Variants in ADAP1 observed in about 807,000 individuals in gnomAD.
ADAP1 encodes the protein ArfGAP with dual PH domains 1.
In ADAP1, 31 loss-of-function variants were observed where a neutral mutation model predicts 54.9. The ratio of observed to expected loss-of-function variants is 0.56; its 90% CI spans 0.42 to 0.76. The LOEUF is 0.76. ADAP1 is among the 30% of genes least tolerant of loss of function. The pLI, the probability that ADAP1 is intolerant of heterozygous loss-of-function variation, is 0.00. For missense variants in ADAP1, 535 were observed against 512.4 expected (o/e 1.04, Z -0.42); for synonymous variants, 313 against 202.6 (o/e 1.55, Z -4.63).
Position 902,794 on chromosome 7 carries a change from C to G in ADAP1, c.648+1332G>C, listed in dbSNP as rs78040828. On this transcript the variant is annotated intron_variant, in intron 6 of 10. Transcript: ENST00000265846. ...AAGACGAGGGACCCTTGCCAACACA[C>G]GCACAGCATTGGAGAATTTCAAAAC... Among the ~76,000 whole-genome samples, 325 of 142,594 alleles carry G rather than the reference C, an allele frequency of 2.3e-3. 1 individual carries two copies. Among genetic ancestry groups the G allele is most frequent in the African/African-American group, 7.6e-3 (303 of 39,660 alleles). 93.5% of individuals were successfully genotyped at this position (142,594 alleles called of 152,430 possible).
At chr7:900,262 C>T (rs948155581) in intron 7 of ADAP1, 98 bp from the exon 8 acceptor site, 9 of 1,459,258 alleles carry the variant, frequency 6.2e-6, no homozygotes, top group Non-Finnish European at 7.6e-6. Context: ...CCCCGGGCCA[C>T]CAGGTCAGGG....
intron 5 of ADAP1, among the ~76,000 whole-genome samples, chr7:904,807 C>G (rs1412906478): frequency 6.6e-6 from 1 of 152,248 alleles, no homozygotes; most frequent in Admixed American, 6.5e-5. Flanking sequence ...TCTCCCACGG[C>G]TGGGCCTGAG....
chr7:931,978 G>T (rs752165476), intron 2 of ADAP1, among the ~76,000 whole-genome samples: 1 of 152,230 alleles, frequency 6.6e-6, no homozygotes, highest in African/African-American at 2.4e-5. Flanking sequence ...AGGGAGCCAG[G>T]GGGGGCCCAG....
In ADAP1 at chr7:954,503, T is replaced by A; in HGVS notation, c.-26A>T. 9.9e-7 allele frequency: 1 copy of A among 1,013,218 alleles called. No homozygotes were observed. The highest frequency in any genetic ancestry group is 1.2e-6 in the Non-Finnish European group (1 of 850,374). The allele number at this position is 1,013,218 out of a possible 1,614,324, so 62.8% of individuals were successfully genotyped here. On this transcript the variant is annotated 5_prime_UTR_variant, in exon 1 of 11. Coordinates refer to ENST00000265846, the MANE Select transcript of ADAP1 (RefSeq NM_006869.4). Reference sequence around the variant, plus strand: ...GGCCGCGATGCGCCCGCGATGCCGATGCCGGGGCCGGGGCCGGGAGCGTCA... The same window carrying A: ...GGCCGCGATGCGCCCGCGATGCCGAAGCCGGGGCCGGGGCCGGGAGCGTCA...
At chr7:918,735 G>C (rs183347738) in intron 4 of ADAP1, among the ~76,000 whole-genome samples, 1 of 152,276 alleles carries the variant, frequency 6.6e-6, no homozygotes, top group Admixed American at 6.5e-5. Flanking sequence ...GGTGGAGAAA[G>C]GGGCACTCAG....
chr7:900,058 G>A (rs1351092063), intron 8 of ADAP1, 44 bp downstream of exon 8: 12 of 1,608,980 alleles, frequency 7.5e-6, no homozygotes, highest in Non-Finnish European at 9.3e-6. Flanking sequence ...GACCCACCAT[G>A]GCGTACCCCA....
rs1170304660 is a variant in ADAP1, at chr7:930,101, CAAAAAAAAAA to C, written c.214-3467_214-3458del. Reference sequence around the variant, plus strand: ...CCTGGGTGACAGAGCAAGACTGTCTCAAAAAAAAAAAAAAAAAAAAAAAAAACCCTCAGGC... The same window carrying C: ...CCTGGGTGACAGAGCAAGACTGTCTCAAAAAAAAAAAAAAAACCCTCAGGC... On this transcript the variant is annotated intron_variant, in intron 2 of 10. Transcript: ENST00000265846. Among the ~76,000 whole-genome samples the C allele has an allele frequency of 2.6e-3, 85 of 33,300 alleles. No individual in the cohort carries two copies. In the South Asian group the frequency reaches 0.044, roughly 17 times the overall value. 21.8% of individuals were successfully genotyped at this position (33,300 alleles called of 152,430 possible). A position where few individuals can be genotyped will look rare whatever the true frequency, so the allele number is the denominator to read the frequency against.
chr7:904,978 C>A (rs544916546), intron 5 of ADAP1, 82 bp downstream of exon 5: 3 of 1,239,732 alleles, frequency 2.4e-6, no homozygotes, highest in East Asian at 2.4e-5. Flanking sequence ...TGCGGATGGA[C>A]GCGGCCACCA....
Position 909,051 on chromosome 7 carries a change from G to A in ADAP1, c.389-3879C>T, listed in dbSNP as rs538878870. Among the ~76,000 whole-genome samples, 113 of 152,310 alleles carry A rather than the reference G, an allele frequency of 7.4e-4. 1 individual carries two copies. The highest frequency in any genetic ancestry group is 4.8e-3 in the South Asian group (23 of 4,824). ...GAAGCGCGCAGGCCGCGGGGTCTGGGAGGCCACTGCCCCTCTGCACGCGCG... is the reference window on the plus strand; with the variant it reads ...GAAGCGCGCAGGCCGCGGGGTCTGGAAGGCCACTGCCCCTCTGCACGCGCG... On this transcript the variant is annotated intron_variant, in intron 4 of 10. Transcript: ENST00000265846.
intron 6 of ADAP1, among the ~76,000 whole-genome samples, chr7:902,477 A>ATGCCTGGGCGTGGTGGTGCGCGCCTAT (rs1554270766): frequency 1.3e-3 from 189 of 142,392 alleles, no homozygotes; most frequent in East Asian, 3.6e-3. Context: ...AAAAAGAAAG[A>ATGCCTGGGCGTGGTGGTGCGCGCCTAT]AAAGAAAGAA....
At chr7:905,834 A>G (rs1457660282) in intron 4 of ADAP1, among the ~76,000 whole-genome samples, 1 of 47,270 alleles carries the variant, frequency 2.1e-5, no homozygotes, top group Admixed American at 1.7e-4. Flanking sequence ...GGGAGAAGGG[A>G]GAAGGGAGAA....
At position 905,069 on chromosome 7, in the gene ADAP1, G is replaced by A; in HGVS notation, c.492C>T (p.Asn164=). The A allele has an allele frequency of 6.2e-7, 1 of 1,611,044 alleles. No individual in the cohort carries two copies. ...CCCGTCTGTGACTCACATCATTTCT[G>A]TTGAAATACTTCAGAGCACCCTCTC... ...TEREGALKYF[N]RNDAKEPKAV... Residue 164 remains asparagine (N), a synonymous_variant, in exon 5 of 11, where the codon AAC becomes AAT. Coordinates refer to ENST00000265846, the MANE Select transcript of ADAP1 (RefSeq NM_006869.4).
At chr7:912,852 CTATT>C (rs920981130) in intron 4 of ADAP1, among the ~76,000 whole-genome samples, 20 of 152,180 alleles carry the variant, frequency 1.3e-4, no homozygotes, top group Admixed American at 3.9e-4. Context: ...CACGCCAGGC[CTATT>C]TATTTATGTT....
At chr7:923,719 T>TG (rs1846269487) in intron 3 of ADAP1, among the ~76,000 whole-genome samples, 1 of 152,096 alleles carries the variant, frequency 6.6e-6, no homozygotes, top group Non-Finnish European at 1.5e-5. Flanking sequence ...GGGCATGGCG[T>TG]GGGGGGCCTT....
intron 3 of ADAP1, among the ~76,000 whole-genome samples, chr7:925,431 CCCCTCTCCCTCCT>C (rs1846348879): frequency 6.6e-6 from 1 of 152,048 alleles, no homozygotes; most frequent in South Asian, 2.1e-4. Context: ...CGTCCTTCCT[CCCCTCTCCCTCCT>C]CCCTCTTCCC....
At chr7:914,655 C>T (rs1288920122) in intron 4 of ADAP1, among the ~76,000 whole-genome samples, 1 of 152,158 alleles carries the variant, frequency 6.6e-6, no homozygotes, top group Non-Finnish European at 1.5e-5. Context: ...AAGGGCAGAA[C>T]CTAGGGTTCC....
chr7:900,147 G>C lies in ADAP1; in HGVS notation c.750C>G (p.Ser250=), dbSNP rs1369991725. 6 of 1,613,236 alleles carry C rather than the reference G, an allele frequency of 3.7e-6. No homozygotes were observed. Among genetic ancestry groups the C allele is most frequent in the Non-Finnish European group, 5.1e-6 (6 of 1,179,936 alleles). Residue 250 remains serine, a synonymous_variant, in exon 8 of 11, where the codon TCC becomes TCG. Coordinates refer to ENST00000265846, the MANE Select transcript of ADAP1 (RefSeq NM_006869.4). ...TGTAGCCTTCCTTCAGGTAGTTCCTGGAGAGCTTTGGCACCAGCTAGGGCA... is the reference window on the plus strand; with the variant it reads ...TGTAGCCTTCCTTCAGGTAGTTCCTCGAGAGCTTTGGCACCAGCTAGGGCA... The part of the protein sequence containing the change: ...AGDADLVPKL[S]RNYLKEGYME...
intron 1 of ADAP1, among the ~76,000 whole-genome samples, chr7:947,873 T>C (rs1173625545): frequency 3.3e-5 from 5 of 151,908 alleles, no homozygotes; most frequent in Admixed American, 3.3e-4. Context: ...CAGCCCTGCG[T>C]GGCCCCACAG....
At position 900,568 on chromosome 7, in the gene ADAP1, G is replaced by A. The variant is rs750102585; in HGVS notation, c.697C>T (p.Leu233=). The A allele has an allele frequency of 1.9e-6, 3 of 1,611,276 alleles. No homozygotes were observed. The highest frequency in any genetic ancestry group is 3.3e-5 in the Admixed American group (2 of 59,790). Residue 233 remains leucine, a synonymous_variant, in exon 7 of 11, where the codon CTG becomes TTG. Coordinates refer to ENST00000265846, the MANE Select transcript of ADAP1 (RefSeq NM_006869.4). ...NALRAARFHY[L]QVAFPGAGDA... The stretch of plus-strand genomic sequence containing the variant: ...CCGGCCCCTGGGAATGCCACCTGCA[G>A]GTAGTGGAAGCGAGCAGCTCGGAGT...
Sources: allele counts gnomAD v4.1 joint callset (sites outside exome capture counted in the v4.1 genomes callset), GRCh38; gene constraint gnomAD v4.1.1; transcripts MANE v1.5; gene names NCBI Gene and HGNC (gene_info 2026-07-23, HGNC 2026-07-21).